The following PLCB4 variants were observed in gnomAD, a reference collection of about 807,000 sequenced individuals.
PLCB4 encodes the protein phospholipase C beta 4.
A neutral mutation model predicts 178.8 loss-of-function variants in PLCB4; 77 were observed. The ratio of observed to expected loss-of-function variants is 0.43; its 90% CI spans 0.36 to 0.52. PLCB4 has a LOEUF of 0.52. Ranked by LOEUF, PLCB4 falls within the 20% of genes least tolerant of loss-of-function variation. The pLI, the probability that PLCB4 is intolerant of heterozygous loss-of-function variation, is 0.00. For synonymous variants in PLCB4, 496 were observed against 490.8 expected, an observed-to-expected ratio of 1.01 and a Z score of -0.14; for missense variants, 1,024 against 1,453.4, an observed-to-expected ratio of 0.70 and a Z score of 4.80.
At chr20:9,467,187 C>T (rs1050054395) in intron 35 of PLCB4, among the ~76,000 whole-genome samples, 1 of 152,120 alleles carries the variant, frequency 6.6e-6, no homozygotes. Context: ...GGACAGAAAA[C>T]CAAACACCGT....
chr20:9,297,014 C>CA (rs1177064255), intron 3 of PLCB4, among the ~76,000 whole-genome samples: 1 of 151,538 alleles, frequency 6.6e-6, no homozygotes, highest in Non-Finnish European at 1.5e-5. Flanking sequence ...ATAATAATAA[C>CA]AAAAAAGAAA....
chr20:9,378,393 G>A (rs768939178), intron 12 of PLCB4, among the ~76,000 whole-genome samples: 2 of 152,148 alleles, frequency 1.3e-5, no homozygotes, highest in East Asian at 1.9e-4. Context: ...GGAGATGTGA[G>A]AAGGGATGTG....
chr20:9,431,458 T>C (rs1278915634), intron 28 of PLCB4, among the ~76,000 whole-genome samples: 1 of 151,968 alleles, frequency 6.6e-6, no homozygotes, highest in African/African-American at 2.4e-5. Context: ...TAATTCTGCT[T>C]TTAATTTTTA....
chr20:9,441,771 G>C (rs1324458134), intron 30 of PLCB4, among the ~76,000 whole-genome samples: 1 of 152,162 alleles, frequency 6.6e-6, no homozygotes, highest in Non-Finnish European at 1.5e-5. Context: ...TGAACTAGAA[G>C]AGCTGATGTA....
intron 39 of PLCB4, among the ~76,000 whole-genome samples, chr20:9,477,027 A>T (rs561758516): frequency 6.6e-6 from 1 of 152,330 alleles, no homozygotes; most frequent in African/African-American, 2.4e-5. Flanking sequence ...CATAACCAGA[A>T]CAGTGATGTG....
intron 2 of PLCB4, among the ~76,000 whole-genome samples, chr20:9,108,232 A>G (rs923003906): frequency 6.6e-6 from 1 of 152,112 alleles, no homozygotes; most frequent in Admixed American, 6.6e-5. Context: ...AGATGTGTAA[A>G]TGTGGGAGTT....
At chr20:9,181,845 A>G (rs2093251652) in intron 2 of PLCB4, among the ~76,000 whole-genome samples, 1 of 152,184 alleles carries the variant, frequency 6.6e-6, no homozygotes, top group Non-Finnish European at 1.5e-5. Flanking sequence ...GAGACAAATA[A>G]TTGTTCTGTA....
intron 4 of PLCB4, among the ~76,000 whole-genome samples, chr20:9,323,010 A>C (rs2147973458): frequency 6.6e-6 from 1 of 152,326 alleles, no homozygotes; most frequent in Admixed American, 6.5e-5. Flanking sequence ...ATTTTTTAAA[A>C]ATGGAAGTCA....
intron 2 of PLCB4, among the ~76,000 whole-genome samples, chr20:9,207,624 G>A (rs563363095): frequency 6.6e-6 from 1 of 152,308 alleles, no homozygotes; most frequent in Admixed American, 6.5e-5. Context: ...AGAATCGATG[G>A]AAAAGGTTTT....
chr20:9,228,488 G>A (rs1249098769), intron 3 of PLCB4, among the ~76,000 whole-genome samples: 1 of 152,016 alleles, frequency 6.6e-6, no homozygotes, highest in African/African-American at 2.4e-5. Flanking sequence ...ACTTCCAGAT[G>A]GTCTTTAAAG....
chr20:9,410,463 A>G (rs1157611780), intron 24 of PLCB4, among the ~76,000 whole-genome samples: 2 of 152,208 alleles, frequency 1.3e-5, no homozygotes, highest in East Asian at 1.9e-4. Context: ...AAAAATATCC[A>G]TCAGTTTACC....
intron 4 of PLCB4, among the ~76,000 whole-genome samples, chr20:9,333,017 A>G (rs1379346259): frequency 3.3e-5 from 5 of 152,166 alleles, no homozygotes; most frequent in African/African-American, 1.2e-4. Flanking sequence ...GTGCCCTTGT[A>G]ATTGCACTTC....
chr20:9,308,758 G>C (rs1297302419), intron 4 of PLCB4, among the ~76,000 whole-genome samples: 3 of 152,108 alleles, frequency 2.0e-5, no homozygotes, highest in Non-Finnish European at 4.4e-5. Flanking sequence ...TTTCTGCAGG[G>C]TGCATCTCTA....
chr20:9,421,889 C>A (rs964244764), intron 27 of PLCB4, among the ~76,000 whole-genome samples: 1 of 152,190 alleles, frequency 6.6e-6, no homozygotes, highest in African/African-American at 2.4e-5. Context: ...TCCTGTCTCT[C>A]CTGAAAGAGT....
At chr20:9,346,065 C>T (rs1173652499) in intron 7 of PLCB4, among the ~76,000 whole-genome samples, 1 of 152,184 alleles carries the variant, frequency 6.6e-6, no homozygotes, top group Non-Finnish European at 1.5e-5. Flanking sequence ...GATATTTAAC[C>T]ACAGCATTAC....
At chr20:9,207,347 T>C (rs1403488749) in intron 2 of PLCB4, among the ~76,000 whole-genome samples, 1 of 152,128 alleles carries the variant, frequency 6.6e-6, no homozygotes, top group African/African-American at 2.4e-5. Flanking sequence ...ACATTAACAG[T>C]CCTTGGTTAG....
intron 2 of PLCB4, among the ~76,000 whole-genome samples, chr20:9,131,304 C>A (rs2092267089): frequency 6.6e-6 from 1 of 151,798 alleles, no homozygotes; most frequent in African/African-American, 2.4e-5. Flanking sequence ...TCCTTGCTTC[C>A]TTCCTTCTTT....
At chr20:9,456,477 G>T (rs1437525009) in intron 33 of PLCB4, among the ~76,000 whole-genome samples, 1 of 152,200 alleles carries the variant, frequency 6.6e-6, no homozygotes, top group Non-Finnish European at 1.5e-5. Context: ...AAAGAAGGTT[G>T]ATGCACTAGA....
At chr20:9,282,448 C>T (rs565834639) in intron 3 of PLCB4, among the ~76,000 whole-genome samples, 1 of 152,010 alleles carries the variant, frequency 6.6e-6, no homozygotes, top group South Asian at 2.1e-4. Flanking sequence ...TTATTATACC[C>T]CCATACTCAC....
Sources: gnomAD v4.1 joint callset for allele counts (sites outside exome capture counted in the v4.1 genomes callset) on GRCh38, gnomAD v4.1.1 for gene constraint, MANE v1.5 for transcripts, NCBI Gene and HGNC (gene_info 2026-07-23, HGNC 2026-07-21) for gene names.